The following TMX1 variants were observed in gnomAD, a reference collection of about 807,000 sequenced individuals.
The protein encoded by TMX1 is thioredoxin-related transmembrane protein 1.
Under a neutral mutation model 36.6 loss-of-function variants are expected in TMX1, and 25 were observed. That is an observed-to-expected ratio of 0.68 (90% CI 0.50 to 0.95). TMX1 has a LOEUF of 0.95. TMX1 is among the 40% of genes least tolerant of loss of function. The pLI is 0.00. For missense variants in TMX1, 347 were observed against 339.6 expected (o/e 1.02, Z -0.17); for synonymous variants, 133 against 118.0 (o/e 1.13, Z -0.82).
chr14:51,240,303 C>G lies in TMX1; in HGVS notation c.11C>G (p.Ser4Cys), dbSNP rs1455346053. 1.2e-6 allele frequency: 2 copies of G among 1,611,704 alleles called. No individual in the cohort carries two copies. The highest frequency in any genetic ancestry group is 1.7e-6 in the Non-Finnish European group (2 of 1,179,810). Reference protein sequence around the residue: MAPSGSLAVPLAVL... With the variant: MAPCGSLAVPLAVL... ...TGGGCAAGCGGCGAAATGGCGCCCT[C>G]CGGGAGTCTTGCAGTTCCCCTGGCA... The change falls in exon 1 of 8, where the codon TCC becomes TGC. Residue 4 changes from serine (S) to cysteine (C), a missense_variant. Coordinates refer to ENST00000457354, the MANE Select transcript of TMX1 (RefSeq NM_030755.5).
intron 3 of TMX1, among the ~76,000 whole-genome samples, chr14:51,246,539 G>T (rs1400406671): frequency 2.0e-5 from 3 of 152,256 alleles, no homozygotes; most frequent in South Asian, 2.1e-4. Flanking sequence ...TCTACATTGG[G>T]AATGGGAAGG....
chr14:51,244,114 C>A, intron 2 of TMX1, 143 bp downstream of exon 2: 1 of 588,186 alleles, frequency 1.7e-6, no homozygotes, highest in Non-Finnish European at 2.7e-6. Flanking sequence ...CCTGACTTGT[C>A]CACCTCCCTG....
Position 51,243,921 on chromosome 14 carries a change from GAGA to G in TMX1, c.222_224del (p.Glu74del). 1.2e-6 allele frequency: 2 copies of G among 1,612,798 alleles called. No homozygotes were observed. Among genetic ancestry groups the G allele is most frequent in the Non-Finnish European group, 1.7e-6 (2 of 1,179,352 alleles). On this transcript the variant is annotated inframe_deletion, in exon 2 of 8. Transcript: ENST00000457354. ...GAATGGGAAAGTTTTGCTGAATGGGGAGAAGATCTTGAGGTTAATATTGCGAAA... is the reference window on the plus strand; with the variant it reads ...GAATGGGAAAGTTTTGCTGAATGGGGAGATCTTGAGGTTAATATTGCGAAA...
chr14:51,252,024 G>A (rs1478482503), intron 7 of TMX1, among the ~76,000 whole-genome samples: 2 of 151,986 alleles, frequency 1.3e-5, no homozygotes, highest in African/African-American at 2.4e-5. Context: ...CGTGGAATAC[G>A]TAACTGGTGT....
chr14:51,240,492 C>T, intron 1 of TMX1, 48 bp downstream of exon 1: 2 of 1,587,334 alleles, frequency 1.3e-6, no homozygotes, highest in South Asian at 1.1e-5. Flanking sequence ...GGACACACGA[C>T]TTCACCCCGC....
intron 1 of TMX1, among the ~76,000 whole-genome samples, chr14:51,242,952 G>A (rs1385030055): frequency 6.6e-6 from 1 of 152,094 alleles, no homozygotes; most frequent in African/African-American, 2.4e-5. Context: ...TAGGAGCTTG[G>A]CTTTTATACT....
At chr14:51,248,228 T>G (rs2065795584) in intron 4 of TMX1, among the ~76,000 whole-genome samples, 1 of 152,336 alleles carries the variant, frequency 6.6e-6, no homozygotes, top group South Asian at 2.1e-4. Context: ...ACTGGTCATG[T>G]GAGAGACCTC....
In TMX1 at chr14:51,243,977, G is replaced by A. The variant is rs77455418; in HGVS notation, c.268+6G>A. The stretch of plus-strand genomic sequence containing the variant: ...AGATGTCACAGAGCAGCCAGGTACT[G>A]TAAGTCTTTGGTTAGTTTTGTTTCT... On this transcript the variant is annotated splice_donor_region_variant and intron_variant, in intron 2 of 7. Transcript: ENST00000457354. 1,000 of 1,593,440 alleles carry A rather than the reference G, an allele frequency of 6.3e-4. 4 individuals carry two copies. The African/African-American group carries it at 0.012, about 20-fold the overall frequency.
chr14:51,246,472 G>GT (rs1217889146), intron 3 of TMX1, among the ~76,000 whole-genome samples: 1 of 152,162 alleles, frequency 6.6e-6, no homozygotes, highest in Non-Finnish European at 1.5e-5. Context: ...GAGCTGATGA[G>GT]TTTTTGCACT....
At chr14:51,251,171 A>G (rs1384870496) in intron 7 of TMX1, among the ~76,000 whole-genome samples, 1 of 152,232 alleles carries the variant, frequency 6.6e-6, no homozygotes, top group South Asian at 2.1e-4. Flanking sequence ...CCTGACCTAC[A>G]ATCATTCAAC....
intron 1 of TMX1, among the ~76,000 whole-genome samples, chr14:51,241,838 AAAAC>A (rs1290805301): frequency 6.6e-6 from 1 of 152,200 alleles, no homozygotes; most frequent in Non-Finnish European, 1.5e-5. Flanking sequence ...ATTTTTTAAA[AAAAC>A]AAAACTGGCC....
chr14:51,256,593 G>A lies in TMX1; in HGVS notation c.*2074G>A, dbSNP rs1376296000. On this transcript the variant is annotated 3_prime_UTR_variant, in exon 8 of 8. Coordinates refer to ENST00000457354, the MANE Select transcript of TMX1 (RefSeq NM_030755.5). ...TAATCAATTCAGCTGTACTACTGAAGTATTGTAAAATCTGATCTCTAGAGG... is the reference window on the plus strand; with the variant it reads ...TAATCAATTCAGCTGTACTACTGAAATATTGTAAAATCTGATCTCTAGAGG... 1 of 152,216 alleles carries A rather than the reference G, an allele frequency of 6.6e-6. No homozygotes were observed. Among genetic ancestry groups the A allele is most frequent in the Non-Finnish European group, 1.5e-5 (1 of 68,038 alleles). 9.4% of individuals were successfully genotyped at this position (152,216 alleles called of 1,614,324 possible).
chr14:51,249,667 A>G, intron 6 of TMX1, 26 bp from the exon 7 acceptor site: 1 of 1,606,752 alleles, frequency 6.2e-7, no homozygotes, highest in Non-Finnish European at 8.5e-7. Flanking sequence ...CTACATTCAG[A>G]TTTCTTACAA....
Position 51,249,570 on chromosome 14 carries a change from G to A in TMX1, c.591+1G>A, listed in dbSNP as rs759900190. ...GTTTTCCGGACTGTTATTAGGACTC[G>A]TAAGTATTTCATTTTTGGAGTGCTA... On this transcript the variant is annotated splice_donor_variant, in intron 6 of 7. Coordinates refer to ENST00000457354, the MANE Select transcript of TMX1 (RefSeq NM_030755.5). LOFTEE classifies it high-confidence loss of function. 5.6e-6 allele frequency: 9 copies of A among 1,612,196 alleles called. No individual in the cohort carries two copies. The highest frequency in any genetic ancestry group is 1.6e-4 in the Middle Eastern group (1 of 6,078).
At chr14:51,253,489 C>T (rs950909583) in intron 7 of TMX1, among the ~76,000 whole-genome samples, 2 of 152,142 alleles carry the variant, frequency 1.3e-5, no homozygotes, top group African/African-American at 2.4e-5. Context: ...CTTATTAACC[C>T]AATCCTTCCT....
rs566383653 is a variant in TMX1, at chr14:51,256,706, A to C, written c.*2187A>C. ...AGTTTTAATGAAGAATTCTGGCTAC[A>C]TCTAACAGCTGCCATTTACCAAGTA... On this transcript the variant is annotated 3_prime_UTR_variant, in exon 8 of 8. Coordinates refer to ENST00000457354, the MANE Select transcript of TMX1 (RefSeq NM_030755.5). 6.6e-6 allele frequency: 1 copy of C among 152,340 alleles called. No individual in the cohort carries two copies. The highest frequency in any genetic ancestry group is 1.9e-4 in the East Asian group (1 of 5,188). 9.4% of individuals were successfully genotyped at this position (152,340 alleles called of 1,614,324 possible). A position where few individuals can be genotyped will look rare whatever the true frequency, so the allele number is the denominator to read the frequency against.
intron 4 of TMX1, 49 bp from the exon 5 acceptor site, chr14:51,249,277 C>T (rs938266815): frequency 6.8e-7 from 1 of 1,479,250 alleles, no homozygotes; most frequent in Admixed American, 2.1e-5. Context: ...TATGTATAGA[C>T]AAATCTGTGT....
chr14:51,246,368 A>G (rs1432451702), intron 3 of TMX1, among the ~76,000 whole-genome samples: 1 of 152,156 alleles, frequency 6.6e-6, no homozygotes, highest in Non-Finnish European at 1.5e-5. Context: ...CACTTCACAA[A>G]AACTTTGTGT....
intron 7 of TMX1, among the ~76,000 whole-genome samples, chr14:51,250,737 A>C (rs965769343): frequency 1.3e-5 from 2 of 152,046 alleles, no homozygotes; most frequent in Admixed American, 6.6e-5. Context: ...GTGATCCGCC[A>C]GCCTCGGCCT....
Sources: gnomAD v4.1 joint callset for allele counts (sites outside exome capture counted in the v4.1 genomes callset) on GRCh38, gnomAD v4.1.1 for gene constraint, MANE v1.5 for transcripts, NCBI Gene and HGNC (gene_info 2026-07-23, HGNC 2026-07-21) for gene names.